Variants in PHACTR3 observed in about 807,000 individuals in gnomAD.
PHACTR3 encodes protein phosphatase 1, regulatory subunit 123.
In PHACTR3, 16 loss-of-function variants were observed where a neutral mutation model predicts 66.8. The observed-to-expected ratio is 0.24, with a 90% CI of 0.16 to 0.36. The LOEUF (loss-of-function observed/expected upper bound fraction) is 0.36, where lower values mean the gene tolerates loss of function less well. PHACTR3 is among the 10% of genes least tolerant of loss of function. PHACTR3 has a pLI of 1.00. For missense variants in PHACTR3, 647 were observed against 719.9 expected, an observed-to-expected ratio of 0.90 and a Z score of 1.16; for synonymous variants, 323 against 292.1, an observed-to-expected ratio of 1.11 and a Z score of -1.08.
rs1202118824 is a variant in PHACTR3 at position 59,847,250 on chromosome 20, TA to T, written c.*121del. 2.9e-6 allele frequency: 2 copies of T among 689,852 alleles called. No homozygotes were observed. The highest frequency in any genetic ancestry group is 3.5e-5 in the African/African-American group (2 of 57,008). 42.7% of individuals were successfully genotyped at this position (689,852 alleles called of 1,614,324 possible). ...CTACCTGCTGTGTTTGTGAGAAGAG[TA>T]GGATCACACACACAGGTGCAATCTT... On this transcript the variant is annotated 3_prime_UTR_variant, in exon 13 of 13. Transcript: ENST00000371015.
At chr20:59,605,264 G>A in intron 1 of PHACTR3, 132 bp downstream of exon 1, 1 of 556,352 alleles carries the variant, frequency 1.8e-6, no homozygotes, top group Non-Finnish European at 2.7e-6. Flanking sequence ...GCTCGGCCCC[G>A]CGGTTCCTAT....
intron 4 of PHACTR3, among the ~76,000 whole-genome samples, chr20:59,760,701 C>T (rs962725448): frequency 2.6e-5 from 4 of 152,076 alleles, no homozygotes; most frequent in Non-Finnish European, 4.4e-5. Flanking sequence ...AGCATGAAAA[C>T]GGACTAATAA....
chr20:59,587,588 T>C (rs373735775), intron 1 of PHACTR3, among the ~76,000 whole-genome samples: 23 of 152,378 alleles, frequency 1.5e-4, no homozygotes, highest in African/African-American at 5.3e-4. Flanking sequence ...TGGGCTTACC[T>C]GCTTCCCTCT....
At chr20:59,812,740 G>A (rs149895665) in intron 8 of PHACTR3, among the ~76,000 whole-genome samples, 1 of 152,218 alleles carries the variant, frequency 6.6e-6, no homozygotes, top group African/African-American at 2.4e-5. Context: ...ACGTGGAAGC[G>A]GGGGAGGAAT....
At chr20:59,827,228 T>C (rs1340407158) in intron 8 of PHACTR3, among the ~76,000 whole-genome samples, 1 of 152,064 alleles carries the variant, frequency 6.6e-6, no homozygotes, top group African/African-American at 2.4e-5. Context: ...CTGGCCTTCA[T>C]GGGCGGGGGT....
At chr20:59,674,351 C>T (rs1267343482) in intron 1 of PHACTR3, among the ~76,000 whole-genome samples, 1 of 151,776 alleles carries the variant, frequency 6.6e-6, no homozygotes, top group African/African-American at 2.4e-5. Context: ...GTTTGCCCCA[C>T]TCTGCCCTCT....
intron 8 of PHACTR3, among the ~76,000 whole-genome samples, chr20:59,814,021 G>T (rs2041816986): frequency 6.6e-6 from 1 of 152,246 alleles, no homozygotes; most frequent in South Asian, 2.1e-4. Flanking sequence ...GCGTGGCGGG[G>T]CCCTGCTCTG....
At chr20:59,809,010 C>T (rs1008546285) in intron 8 of PHACTR3, among the ~76,000 whole-genome samples, 7 of 152,172 alleles carry the variant, frequency 4.6e-5, no homozygotes, top group South Asian at 2.1e-4. Flanking sequence ...GACAACAGAA[C>T]GCTCCCCGGG....
At chr20:59,579,109 C>T (rs1307973318) in intron 1 of PHACTR3, among the ~76,000 whole-genome samples, 1 of 152,198 alleles carries the variant, frequency 6.6e-6, no homozygotes, top group African/African-American at 2.4e-5. Context: ...AACAGTGGGG[C>T]ATATTCTGGG....
At chr20:59,649,252 G>C (rs1484410634) in intron 1 of PHACTR3, among the ~76,000 whole-genome samples, 1 of 152,178 alleles carries the variant, frequency 6.6e-6, no homozygotes, top group Non-Finnish European at 1.5e-5. Flanking sequence ...TATGGTAATG[G>C]TTAGGGCAAA....
At chr20:59,612,716 C>A (rs1420048659) in intron 1 of PHACTR3, among the ~76,000 whole-genome samples, 1 of 152,126 alleles carries the variant, frequency 6.6e-6, no homozygotes, top group East Asian at 1.9e-4. Context: ...CACTGGGAAT[C>A]CAGATTTTTA....
In PHACTR3 at chr20:59,760,913, C is replaced by T. The variant is rs548587635; in HGVS notation, c.541+5549C>T. Among the ~76,000 whole-genome samples, 6 of 152,238 alleles carry T rather than the reference C, an allele frequency of 3.9e-5. 1 individual carries two copies. The South Asian group carries it at 1.0e-3, about 26-fold the overall frequency. ...GCACTCTATTATCTTATAACAGCCT[C>T]ATATTTTTGGATGAGAAAACAGAGC... On this transcript the variant is annotated intron_variant, in intron 4 of 12. Transcript: ENST00000371015.
intron 9 of PHACTR3, among the ~76,000 whole-genome samples, chr20:59,837,006 T>G (rs1204295909): frequency 6.6e-6 from 1 of 152,188 alleles, no homozygotes; most frequent in Non-Finnish European, 1.5e-5. Context: ...TTCCTGTGGC[T>G]CAGGACTTTG....
intron 8 of PHACTR3, among the ~76,000 whole-genome samples, chr20:59,823,712 G>GC: frequency 6.6e-6 from 1 of 152,192 alleles, no homozygotes; most frequent in East Asian, 1.9e-4. Flanking sequence ...GAGTTTTAAG[G>GC]CCCCACCTCC....
intron 1 of PHACTR3, among the ~76,000 whole-genome samples, chr20:59,673,725 G>T (rs2036275007): frequency 6.6e-6 from 1 of 152,160 alleles, no homozygotes; most frequent in African/African-American, 2.4e-5. Flanking sequence ...GTGAGCTCTT[G>T]GATGGGCCCT....
intron 1 of PHACTR3, among the ~76,000 whole-genome samples, chr20:59,723,073 T>C (rs1177813158): frequency 3.2e-5 from 4 of 124,864 alleles, no homozygotes; most frequent in South Asian, 2.5e-4. Context: ...TTTCTTTCTT[T>C]CTTTCTTTCT....
chr20:59,795,834 TCAC>T (rs373303446), intron 7 of PHACTR3, among the ~76,000 whole-genome samples: 34 of 152,266 alleles, frequency 2.2e-4, no homozygotes, highest in African/African-American at 7.7e-4. Context: ...GTCCTTCCCT[TCAC>T]TTTCAGTCTG....
chr20:59,767,100 C>T (rs2040204093), intron 4 of PHACTR3, 86 bp from the exon 5 acceptor site: 4 of 1,379,474 alleles, frequency 2.9e-6, no homozygotes, highest in Admixed American at 1.9e-5. Context: ...CGATCCCATC[C>T]CACCAAACCC....
chr20:59,775,079 G>C (rs1345607061), intron 7 of PHACTR3, among the ~76,000 whole-genome samples: 2 of 78,290 alleles, frequency 2.6e-5, no homozygotes, highest in African/African-American at 6.6e-5. Context: ...CTCATGGTGC[G>C]TTCTCCCATG....
Sources: allele counts gnomAD v4.1 joint callset (sites outside exome capture counted in the v4.1 genomes callset), GRCh38; gene constraint gnomAD v4.1.1; transcripts MANE v1.5; gene names NCBI Gene and HGNC (gene_info 2026-07-23, HGNC 2026-07-21).